CDK8: variants seen among roughly 807,000 people sequenced by gnomAD.
CDK8 encodes cyclin dependent kinase 8.
In CDK8, 29 loss-of-function variants were observed where a neutral mutation model predicts 71.5. The observed-to-expected ratio is 0.41, with a 90% CI of 0.30 to 0.55. CDK8 has a LOEUF of 0.55. Ranked by LOEUF, CDK8 falls within the 20% of genes least tolerant of loss-of-function variation. CDK8 has a pLI of 0.37. For synonymous variants in CDK8, 161 were observed against 192.1 expected (o/e 0.84, Z 1.34); for missense variants, 288 against 572.6 (o/e 0.50, Z 5.07).
chr13:26,365,395 T>G (rs1048114469), intron 4 of CDK8, among the ~76,000 whole-genome samples: 5 of 152,168 alleles, frequency 3.3e-5, no homozygotes, highest in Admixed American at 6.6e-5. Flanking sequence ...CACAATGTAC[T>G]GTTTTATTAT....
At chr13:26,294,832 C>A (rs1281306283) in intron 1 of CDK8, among the ~76,000 whole-genome samples, 1 of 152,112 alleles carries the variant, frequency 6.6e-6, no homozygotes, top group Admixed American at 6.5e-5. Flanking sequence ...TCACTGCAAC[C>A]TCCGCCTCCT....
At chr13:26,396,499 C>T (rs1399147394) in intron 8 of CDK8, 145 bp downstream of exon 8, 4 of 360,850 alleles carry the variant, frequency 1.1e-5, no homozygotes, top group Middle Eastern at 7.7e-4. Flanking sequence ...AAATATTTTT[C>T]ATGATGACAG....
chr13:26,296,952 C>T (rs1032057016), intron 1 of CDK8, among the ~76,000 whole-genome samples: 1 of 152,010 alleles, frequency 6.6e-6, no homozygotes, highest in African/African-American at 2.4e-5. Context: ...AAGGACTAAC[C>T]TGTAGTATTA....
chr13:26,389,997 CAT>C (rs1345156145), intron 6 of CDK8, among the ~76,000 whole-genome samples: 4 of 151,904 alleles, frequency 2.6e-5, no homozygotes, highest in Non-Finnish European at 5.9e-5. Context: ...GGCTCTGACT[CAT>C]AAAAAGTAAA....
intron 1 of CDK8, among the ~76,000 whole-genome samples, chr13:26,288,213 C>T (rs1018348728): frequency 3.9e-5 from 6 of 152,142 alleles, no homozygotes; most frequent in African/African-American, 7.2e-5. Context: ...CCGCCTGCCT[C>T]GACCTCCTAA....
At position 26,401,332 on chromosome 13, in the gene CDK8, T is replaced by TGACAAAGGA. The variant is rs1291301760; in HGVS notation, c.1103_1110+1dup. ...AATTTTTAACGGAAGAAGAACCTGA[T>TGACAAAGGA]GACAAAGGAGACAAAGTAAGTATTA... On this transcript the variant is annotated inframe_insertion, in exon 11 of 13. Transcript: ENST00000381527. The surrounding 1 kb of genome is among the most constrained non-coding windows in gnomAD (Gnocchi z 4.5). The TGACAAAGGA allele has an allele frequency of 1.2e-6, 2 of 1,614,014 alleles. No homozygotes were observed. Among genetic ancestry groups the TGACAAAGGA allele is most frequent in the East Asian group, 4.5e-5 (2 of 44,900 alleles).
At position 26,254,571 on chromosome 13, in the gene CDK8, C is replaced by T. The variant is rs541091690; in HGVS notation, c.-71C>T. 2.2e-6 allele frequency: 3 copies of T among 1,347,296 alleles called. No individual in the cohort carries two copies. The highest frequency in any genetic ancestry group is 3.0e-6 in the Non-Finnish European group (3 of 993,188). The allele number at this position is 1,347,296 out of a possible 1,614,324, so 83.5% of individuals were successfully genotyped here. ...CGGGTTCCCGGGGGCTGCGGCTGCC[C>T]GTGCTTCCCCGGTCCCCACCCCTGC... On this transcript the variant is annotated 5_prime_UTR_variant, in exon 1 of 13. Transcript: ENST00000381527. The surrounding 1 kb of genome is among the most constrained non-coding windows in gnomAD (Gnocchi z 6.7).
chr13:26,344,634 G>A (rs1873384509), intron 2 of CDK8, among the ~76,000 whole-genome samples: 1 of 152,092 alleles, frequency 6.6e-6, no homozygotes. Flanking sequence ...GGGTGTGGTG[G>A]TGCATGCCTG....
chr13:26,337,776 A>G, intron 2 of CDK8, 134 bp downstream of exon 2: 1 of 344,482 alleles, frequency 2.9e-6, no homozygotes, highest in Non-Finnish European at 5.4e-6. Flanking sequence ...GTAGAAAAAT[A>G]TTATTTATTA....
chr13:26,321,172 A>G (rs1478275063), intron 1 of CDK8, among the ~76,000 whole-genome samples: 1 of 152,234 alleles, frequency 6.6e-6, no homozygotes, highest in Non-Finnish European at 1.5e-5. Flanking sequence ...GGATGAATAG[A>G]TGAGCAAATG....
chr13:26,377,494 T>G (rs911713053), intron 4 of CDK8, among the ~76,000 whole-genome samples: 2 of 152,240 alleles, frequency 1.3e-5, no homozygotes, highest in African/African-American at 4.8e-5. Context: ...AACATACATG[T>G]TGTTTTTATC....
intron 3 of CDK8, among the ~76,000 whole-genome samples, chr13:26,352,863 A>T (rs977245026): frequency 6.6e-6 from 1 of 152,204 alleles, no homozygotes; most frequent in South Asian, 2.1e-4. Flanking sequence ...TTAACTTATA[A>T]TGTTAAATAT....
intron 1 of CDK8, among the ~76,000 whole-genome samples, chr13:26,271,609 A>T (rs1872323451): frequency 6.6e-6 from 1 of 151,870 alleles, no homozygotes; most frequent in South Asian, 2.1e-4. Context: ...GGAGTTTGAG[A>T]CCAGCCTGGG....
At position 26,328,663 on chromosome 13, in the gene CDK8, A is replaced by G. The variant is rs148660558; in HGVS notation, c.129-8904A>G. ...ACCCATCCCCACTGGAAGCTTGTAAAATGTAAAATGTACTGTTTGTCTCCA... is the reference window on the plus strand; with the variant it reads ...ACCCATCCCCACTGGAAGCTTGTAAGATGTAAAATGTACTGTTTGTCTCCA... On this transcript the variant is annotated intron_variant, in intron 1 of 12. Transcript: ENST00000381527. Among the ~76,000 whole-genome samples the G allele has an allele frequency of 4.0e-4, 61 of 152,336 alleles. 1 individual carries two copies. In the East Asian group the frequency reaches 8.9e-3, roughly 22 times the overall value.
At position 26,281,034 on chromosome 13, in the gene CDK8, C is replaced by T. The variant is rs146154054; in HGVS notation, c.128+26265C>T. 1.2e-4 allele frequency among the ~76,000 whole-genome samples: 18 copies of T among 152,362 alleles called. No individual in the cohort carries two copies. The East Asian group carries it at 3.3e-3, about 28-fold the overall frequency. Reference sequence around the variant, plus strand: ...CTGCCACCTTCTGGCTGGAGGCCAACCACAATATTACAGCAACTCATGACA... The same window carrying T: ...CTGCCACCTTCTGGCTGGAGGCCAATCACAATATTACAGCAACTCATGACA... On this transcript the variant is annotated intron_variant, in intron 1 of 12. Transcript: ENST00000381527.
chr13:26,285,721 A>G (rs970975089), intron 1 of CDK8, among the ~76,000 whole-genome samples: 1 of 152,190 alleles, frequency 6.6e-6, no homozygotes, highest in African/African-American at 2.4e-5. Flanking sequence ...CACCAATGAT[A>G]TGATCATATA....
chr13:26,257,921 TGA>T (rs373368489), intron 1 of CDK8, among the ~76,000 whole-genome samples: 8,845 of 119,784 alleles, frequency 0.074, 521 homozygotes, highest in African/African-American at 0.25. Context: ...TGTGTGTGTG[TGA>T]GAGAGAGAGA....
intron 1 of CDK8, among the ~76,000 whole-genome samples, chr13:26,310,191 T>G: frequency 6.6e-6 from 1 of 152,226 alleles, no homozygotes; most frequent in East Asian, 1.9e-4. Flanking sequence ...CTAACTCACC[T>G]TTCTCTTCTC....
intron 1 of CDK8, among the ~76,000 whole-genome samples, chr13:26,328,619 C>T (rs1029833834): frequency 9.9e-5 from 15 of 152,234 alleles, no homozygotes; most frequent in Admixed American, 6.5e-4. Context: ...ATTACTGATC[C>T]CTTTCTAAGT....
Sources: gnomAD v4.1 joint callset for allele counts (sites outside exome capture counted in the v4.1 genomes callset) on GRCh38, gnomAD v4.1.1 for gene constraint, Gnocchi (gnomAD v3.1) non-coding constraint, MANE v1.5 for transcripts, NCBI Gene and HGNC (gene_info 2026-07-23, HGNC 2026-07-21) for gene names.